VSIG10: variants seen among roughly 807,000 people sequenced by gnomAD.
VSIG10 encodes V-set and immunoglobulin domain-containing protein 10.
A neutral mutation model predicts 58.7 loss-of-function variants in VSIG10; 48 were observed. That is an observed-to-expected ratio of 0.82 (90% confidence interval 0.65 to 1.04). The LOEUF (loss-of-function observed/expected upper bound fraction) is 1.04. Among genes scored for constraint, VSIG10 ranks in the 50% least tolerant of loss-of-function variants. VSIG10 has a pLI of 0.00. For missense variants in VSIG10, 628 were observed against 670.0 expected (o/e 0.94, Z 0.69); for synonymous variants, 260 against 267.1 (o/e 0.97, Z 0.26).
chr12:118,089,472 G>T (rs1395285181), intron 2 of VSIG10, among the ~76,000 whole-genome samples: 1 of 152,170 alleles, frequency 6.6e-6, no homozygotes, highest in Non-Finnish European at 1.5e-5. Context: ...AAAAGATAAG[G>T]TTATTCATTG....
intron 7 of VSIG10, 103 bp from the exon 8 acceptor site, chr12:118,068,700 A>C: frequency 7.4e-7 from 1 of 1,349,760 alleles, no homozygotes; most frequent in Non-Finnish European, 9.8e-7. Flanking sequence ...CCCATTAGTA[A>C]TATGGAAAAT....
chr12:118,081,672 G>A (rs1403991680), intron 3 of VSIG10, among the ~76,000 whole-genome samples: 1 of 152,174 alleles, frequency 6.6e-6, no homozygotes, highest in Non-Finnish European at 1.5e-5. Context: ...TGTGTATTGA[G>A]GGAGCCACAG....
chr12:118,099,341 T>C (rs1260645936), intron 1 of VSIG10, among the ~76,000 whole-genome samples: 1 of 152,122 alleles, frequency 6.6e-6, no homozygotes, highest in Non-Finnish European at 1.5e-5. Context: ...TCTCACTATG[T>C]TGCCCAGGCT....
intron 2 of VSIG10, among the ~76,000 whole-genome samples, chr12:118,091,072 T>A (rs981040938): frequency 2.6e-5 from 4 of 151,996 alleles, no homozygotes; most frequent in Middle Eastern, 6.8e-3. Context: ...GAAGCAGAGG[T>A]TGCAGTGAGC....
At chr12:118,092,919 A>G in intron 2 of VSIG10, among the ~76,000 whole-genome samples, 1 of 146,562 alleles carries the variant, frequency 6.8e-6, no homozygotes, top group East Asian at 2.0e-4. Context: ...TACCGACGTG[A>G]CCCACTGCAT....
At chr12:118,074,141 G>A (rs2032618072) in intron 4 of VSIG10, 149 bp from the exon 5 acceptor site, 2 of 924,610 alleles carry the variant, frequency 2.2e-6, no homozygotes, top group Non-Finnish European at 3.1e-6. Context: ...GGAGTGCAGT[G>A]GTGCGATCTC....
At chr12:118,076,776 C>G (rs2032745523) in intron 4 of VSIG10, among the ~76,000 whole-genome samples, 1 of 151,940 alleles carries the variant, frequency 6.6e-6, no homozygotes. Context: ...TCACATCAGC[C>G]TCCCCAGTAG....
intron 1 of VSIG10, among the ~76,000 whole-genome samples, chr12:118,097,907 G>C (rs2033510765): frequency 6.6e-6 from 1 of 152,110 alleles, no homozygotes; most frequent in Non-Finnish European, 1.5e-5. Context: ...TGGGTGACAA[G>C]AGTGAAACTC....
rs777051727 is a variant in VSIG10 at position 118,079,511 on chromosome 12, G to A, written c.760C>T (p.Pro254Ser). Reference protein sequence around the residue: ...TCRWDGGYPDPDFLWIEEPGG... With the variant: ...TCRWDGGYPDSDFLWIEEPGG... ...GGCTCTTCTATCCACAGGAAGTCAG[G>A]GTCAGGGTATCCCCCATCCCAGCGA... Residue 254 changes from proline (P) to serine (S), a missense_variant, in exon 4 of 9, where the codon CCT becomes TCT. Transcript: ENST00000359236. The A allele has an allele frequency of 6.2e-7, 1 of 1,614,000 alleles. No homozygotes were observed. Among genetic ancestry groups the A allele is most frequent in the East Asian group, 2.2e-5 (1 of 44,884 alleles).
chr12:118,076,020 T>G (rs2032711831), intron 4 of VSIG10, among the ~76,000 whole-genome samples: 1 of 152,132 alleles, frequency 6.6e-6, no homozygotes, highest in Non-Finnish European at 1.5e-5. Flanking sequence ...GCTATACACT[T>G]TTACACATAA....
At chr12:118,089,076 G>A (rs928259422) in intron 2 of VSIG10, among the ~76,000 whole-genome samples, 3 of 151,484 alleles carry the variant, frequency 2.0e-5, no homozygotes, top group South Asian at 2.1e-4. Flanking sequence ...AGCCTCCCAC[G>A]CATCTGGGAT....
At chr12:118,069,219 A>T (rs1005058823) in intron 7 of VSIG10, among the ~76,000 whole-genome samples, 4 of 151,894 alleles carry the variant, frequency 2.6e-5, no homozygotes, top group African/African-American at 9.7e-5. Flanking sequence ...CCACCCAAGT[A>T]GCTGGGACTA....
At chr12:118,087,555 G>A (rs1158403652) in intron 2 of VSIG10, among the ~76,000 whole-genome samples, 3 of 152,050 alleles carry the variant, frequency 2.0e-5, no homozygotes, top group Non-Finnish European at 4.4e-5. Flanking sequence ...AGAAGGAGGG[G>A]GCTGGGCGAG....
At chr12:118,083,114 CAAAAAAAAAAAAAAAAAA>C (rs61523301) in intron 2 of VSIG10, among the ~76,000 whole-genome samples, 3 of 55,032 alleles carry the variant, frequency 5.5e-5, no homozygotes, top group East Asian at 5.2e-4. Context: ...CTCCGTCTCA[CAAAAAAAAAAAAAAAAAA>C]AAAAAAAAAA....
intron 3 of VSIG10, among the ~76,000 whole-genome samples, chr12:118,081,132 T>C (rs1309474532): frequency 1.3e-5 from 2 of 151,826 alleles, no homozygotes; most frequent in Non-Finnish European, 1.5e-5. Context: ...TCCCAGCTAC[T>C]CTGGAGGCTG....
At chr12:118,100,552 A>G (rs1349077312) in intron 1 of VSIG10, among the ~76,000 whole-genome samples, 2 of 151,172 alleles carry the variant, frequency 1.3e-5, no homozygotes, top group African/African-American at 4.9e-5. Context: ...TTTTTTTGAG[A>G]TGAAGTCTCG....
rs534229232 is a variant in VSIG10, at chr12:118,085,049, T to C, written c.362-2620A>G. 2.0e-5 allele frequency among the ~76,000 whole-genome samples: 3 copies of C among 152,128 alleles called. No homozygotes were observed. The East Asian group carries it at 5.8e-4, about 29-fold the overall frequency. On this transcript the variant is annotated intron_variant, in intron 2 of 8. Transcript: ENST00000359236. ...AACAAACAAACAAAAACAGATAAGCTTGGCAAGACCTAAATTAATCAATCC... is the reference window on the plus strand; with the variant it reads ...AACAAACAAACAAAAACAGATAAGCCTGGCAAGACCTAAATTAATCAATCC...
Position 118,103,971 on chromosome 12 carries a change from T to C in VSIG10, c.-300A>G, listed in dbSNP as rs1224039181. ...CCGGCGGAAAACAACAGGAGCGGGA[T>C]CCCTCCCGCCTCCCAGCCAGGCGGG... On this transcript the variant is annotated 5_prime_UTR_variant, in exon 1 of 9. Transcript: ENST00000359236. The C allele has an allele frequency of 6.8e-6, 2 of 292,010 alleles. No homozygotes were observed. Among genetic ancestry groups the C allele is most frequent in the African/African-American group, 4.4e-5 (2 of 45,608 alleles). 18.1% of individuals were successfully genotyped at this position (292,010 alleles called of 1,614,324 possible). A position where few individuals can be genotyped will look rare whatever the true frequency, so the allele number is the denominator to read the frequency against.
rs1330791306 is a variant in VSIG10 at position 118,068,330 on chromosome 12, T to C, written c.1567+47A>G. The C allele has an allele frequency of 1.9e-6, 3 of 1,593,320 alleles. No homozygotes were observed. In the East Asian group the frequency reaches 6.7e-5, roughly 36 times the overall value. On this transcript the variant is annotated intron_variant, in intron 8 of 8. Coordinates refer to ENST00000359236, the MANE Select transcript of VSIG10 (RefSeq NM_019086.6). ...GATTATAGGCGTGAGCCAACGCGCC[T>C]TTTTTTGTTTGTTTTCTGTTTGTTT...
Sources: gnomAD v4.1 joint callset for allele counts (sites outside exome capture counted in the v4.1 genomes callset) on GRCh38, gnomAD v4.1.1 for gene constraint, MANE v1.5 for transcripts, NCBI Gene and HGNC (gene_info 2026-07-23, HGNC 2026-07-21) for gene names.